IL1RAPL1: variants seen among roughly 807,000 people sequenced by gnomAD.
The protein encoded by IL1RAPL1 is interleukin 1 receptor accessory protein like 1, also known as interleukin-1 receptor accessory protein-like 1.
Under a neutral mutation model 48.4 loss-of-function variants are expected in IL1RAPL1, and 3 were observed. That is an observed-to-expected ratio of 0.06 (90% CI 0.03 to 0.16). The LOEUF is 0.16. IL1RAPL1 is among the 10% of genes least tolerant of loss of function. The pLI is 1.00. For missense variants in IL1RAPL1, 349 were observed against 530.6 expected, an observed-to-expected ratio of 0.66 and a Z score of 3.36; for synonymous variants, 185 against 187.7, an observed-to-expected ratio of 0.99 and a Z score of 0.12.
chrX:29,323,039 A>G (rs760890814), intron 3 of IL1RAPL1, among the ~76,000 whole-genome samples: 2 of 112,248 alleles, frequency 1.8e-5, no homozygotes, highest in African/African-American at 6.5e-5. Context: ...ATTCATGATC[A>G]CAGCCAACCT....
chrX:29,390,695 A>T (rs67286531), intron 3 of IL1RAPL1, among the ~76,000 whole-genome samples: 12,745 of 111,345 alleles, frequency 0.11, 710 homozygotes, highest in African/African-American at 0.22. Flanking sequence ...GAATAATTAA[A>T]ACTGTGCTAC....
At chrX:29,619,081 A>T (rs1334929799) in intron 5 of IL1RAPL1, among the ~76,000 whole-genome samples, 4 of 111,675 alleles carry the variant, frequency 3.6e-5, no homozygotes, top group African/African-American at 1.3e-4. Flanking sequence ...CTAGAACCCT[A>T]TTGAATATTT....
At chrX:29,929,556 C>T (rs1932922270) in intron 8 of IL1RAPL1, among the ~76,000 whole-genome samples, 1 of 111,329 alleles carries the variant, frequency 9.0e-6, no homozygotes, top group African/African-American at 3.3e-5. Flanking sequence ...TTTTCTTATG[C>T]CTTAAGTGTT....
chrX:29,488,055 T>C (rs1935115101), intron 5 of IL1RAPL1, among the ~76,000 whole-genome samples: 1 of 112,215 alleles, frequency 8.9e-6, no homozygotes, highest in African/African-American at 3.2e-5. Context: ...GTGTCTTTAT[T>C]TCACAATTCA....
chrX:29,020,545 G>A (rs776076841), intron 2 of IL1RAPL1, among the ~76,000 whole-genome samples: 11 of 111,997 alleles, frequency 9.8e-5, no homozygotes, highest in Non-Finnish European at 2.1e-4. Context: ...TTCACATGAC[G>A]ATGAAATCAC....
At chrX:29,171,835 AGGG>A (rs1929914049) in intron 2 of IL1RAPL1, among the ~76,000 whole-genome samples, 2 of 107,009 alleles carry the variant, frequency 1.9e-5, no homozygotes, top group African/African-American at 6.9e-5. Flanking sequence ...GAAAAAAAAA[AGGG>A]ACATTTTGCT....
chrX:29,623,671 C>T (rs1422105612), intron 5 of IL1RAPL1, among the ~76,000 whole-genome samples: 1 of 112,020 alleles, frequency 8.9e-6, no homozygotes, highest in Non-Finnish European at 1.9e-5. Flanking sequence ...TTTAATTCTT[C>T]AAGATGATAA....
intron 5 of IL1RAPL1, among the ~76,000 whole-genome samples, chrX:29,447,154 G>T (rs1453087218): frequency 9.0e-6 from 1 of 110,683 alleles, no homozygotes; most frequent in African/African-American, 3.3e-5. Context: ...TAGTTAGAGT[G>T]CCCATTAGTA....
intron 5 of IL1RAPL1, among the ~76,000 whole-genome samples, chrX:29,577,583 A>G (rs1922820763): frequency 8.9e-6 from 1 of 112,050 alleles, no homozygotes; most frequent in Non-Finnish European, 1.9e-5. Flanking sequence ...CAGCTGTATG[A>G]TATATATGAA....
rs751106231 is a variant in IL1RAPL1, at chrX:29,318,438, A to G, written c.362+35221A>G. Among the ~76,000 whole-genome samples, 3 of 112,721 alleles carry G rather than the reference A, an allele frequency of 2.7e-5. No individual in the cohort carries two copies. In the Admixed American group the frequency reaches 2.8e-4, roughly 11 times the overall value. ...GCATTTTCCCTTTATTTCTGTTAGT[A>G]TAAACCTGCCTATATCTGATAATTG... On this transcript the variant is annotated intron_variant, in intron 3 of 10. Transcript: ENST00000378993.
intron 2 of IL1RAPL1, among the ~76,000 whole-genome samples, chrX:28,857,582 T>C (rs1039645126): frequency 9.0e-6 from 1 of 111,467 alleles, no homozygotes; most frequent in Non-Finnish European, 1.9e-5. Context: ...GCTTGTGCTC[T>C]ATACATGCAA....
chrX:29,001,305 A>G (rs1003672241), intron 2 of IL1RAPL1, among the ~76,000 whole-genome samples: 8 of 112,161 alleles, frequency 7.1e-5, no homozygotes, highest in Admixed American at 1.9e-4. Context: ...GTCTTAGAAT[A>G]CGAGAGCTGG....
intron 2 of IL1RAPL1, among the ~76,000 whole-genome samples, chrX:28,862,162 C>T (rs1475406440): frequency 2.7e-5 from 3 of 111,631 alleles, no homozygotes; most frequent in Non-Finnish European, 5.7e-5. Flanking sequence ...TTGGTTTTAC[C>T]GTCAACAGAT....
chrX:29,387,747 C>G (rs1323656330), intron 3 of IL1RAPL1, among the ~76,000 whole-genome samples: 1 of 111,514 alleles, frequency 9.0e-6, no homozygotes, highest in African/African-American at 3.3e-5. Context: ...AATTCCAGCA[C>G]TTTGGGAGGC....
chrX:29,630,729 A>G (rs1002252585), intron 5 of IL1RAPL1, among the ~76,000 whole-genome samples: 5 of 111,109 alleles, frequency 4.5e-5, no homozygotes, highest in East Asian at 2.8e-4. Context: ...TAGTAGAGAC[A>G]GGGTTTCACC....
intron 5 of IL1RAPL1, among the ~76,000 whole-genome samples, chrX:29,609,111 A>G (rs1037930663): frequency 6.3e-5 from 7 of 111,876 alleles, no homozygotes; most frequent in Non-Finnish European, 5.6e-5. Context: ...CTCCATACCA[A>G]TTGAATCATT....
At chrX:29,769,915 G>A (rs1020911658) in intron 6 of IL1RAPL1, among the ~76,000 whole-genome samples, 6 of 106,273 alleles carry the variant, frequency 5.6e-5, no homozygotes, top group African/African-American at 2.1e-4. Flanking sequence ...ATGCCTGGCC[G>A]CCAAACAGTT....
At chrX:29,933,299 G>A (rs947714740) in intron 8 of IL1RAPL1, among the ~76,000 whole-genome samples, 3 of 111,151 alleles carry the variant, frequency 2.7e-5, no homozygotes, top group Admixed American at 1.9e-4. Context: ...AAACCTGCGC[G>A]TTCTGCACAT....
Position 29,298,001 on chromosome X carries a change from G to A in IL1RAPL1, c.362+14784G>A, listed in dbSNP as rs761441647. On this transcript the variant is annotated intron_variant, in intron 3 of 10. Transcript: ENST00000378993. Reference sequence around the variant, plus strand: ...TATAAGCCAATCCATTAAATGATAAGCTAACAATTAATTTACATTAAAACA... The same window carrying A: ...TATAAGCCAATCCATTAAATGATAAACTAACAATTAATTTACATTAAAACA... 3.6e-5 allele frequency among the ~76,000 whole-genome samples: 4 copies of A among 111,896 alleles called. No homozygotes were observed. The South Asian group carries it at 1.5e-3, about 42-fold the overall frequency.
Sources: allele counts gnomAD v4.1 joint callset (sites outside exome capture counted in the v4.1 genomes callset), GRCh38; gene constraint gnomAD v4.1.1; transcripts MANE v1.5; gene names NCBI Gene and HGNC (gene_info 2026-07-23, HGNC 2026-07-21).